The following KCTD1 variants were observed in gnomAD, a reference collection of about 807,000 sequenced individuals.
KCTD1 encodes BTB/POZ domain-containing protein KCTD1.
A neutral mutation model predicts 66.0 loss-of-function variants in KCTD1; 24 were observed. That is an observed-to-expected ratio of 0.36 (90% CI 0.26 to 0.51). KCTD1 has a LOEUF of 0.51. Ranked by LOEUF, KCTD1 falls within the 20% of genes least tolerant of loss-of-function variation. The probability of loss-of-function intolerance (pLI) is 0.95; values close to 1 mark genes in which losing one functional copy is unlikely to be tolerated. For synonymous variants in KCTD1, 511 were observed against 517.2 expected, an observed-to-expected ratio of 0.99 and a Z score of 0.16; for missense variants, 943 against 1,205.2, an observed-to-expected ratio of 0.78 and a Z score of 3.22.
At chr18:26,541,986 C>G (rs971242578) in intron 1 of KCTD1, among the ~76,000 whole-genome samples, 2 of 152,168 alleles carry the variant, frequency 1.3e-5, no homozygotes, top group African/African-American at 4.8e-5. Flanking sequence ...TGTTTCCCCT[C>G]TGATGATCAT....
At chr18:26,511,484 G>A (rs923336678) in intron 1 of KCTD1, among the ~76,000 whole-genome samples, 3 of 152,146 alleles carry the variant, frequency 2.0e-5, no homozygotes, top group East Asian at 1.9e-4. Flanking sequence ...TCCTGAAGTC[G>A]CCCTGCACAC....
At chr18:26,566,514 C>T (rs1391477529) in intron 1 of KCTD1, 1 of 152,214 alleles carries the variant, frequency 6.6e-6, no homozygotes, top group African/African-American at 2.4e-5. Flanking sequence ...TAACAATTCG[C>T]TGAGAAGACA....
intron 2 of KCTD1, among the ~76,000 whole-genome samples, chr18:26,483,861 G>A (rs529187088): frequency 2.0e-5 from 3 of 152,236 alleles, no homozygotes; most frequent in Non-Finnish European, 4.4e-5. Flanking sequence ...AGGAGATGGT[G>A]TTGCAACCTT....
At chr18:26,470,509 C>T (rs1180960916) in intron 3 of KCTD1, among the ~76,000 whole-genome samples, 5 of 152,196 alleles carry the variant, frequency 3.3e-5, no homozygotes, top group African/African-American at 4.8e-5. Flanking sequence ...GAGGCCAGAA[C>T]GTCAACACTG....
intron 1 of KCTD1, among the ~76,000 whole-genome samples, chr18:26,507,081 G>T (rs1360350496): frequency 6.6e-6 from 1 of 152,136 alleles, no homozygotes; most frequent in Admixed American, 6.5e-5. Flanking sequence ...CAGGAGAATC[G>T]CTTGAACCTG....
chr18:26,506,116 A>G (rs1421819962), intron 1 of KCTD1, among the ~76,000 whole-genome samples: 1 of 152,098 alleles, frequency 6.6e-6, no homozygotes, highest in Non-Finnish European at 1.5e-5. Context: ...TCTTGAGCTC[A>G]GGTGATCAGC....
chr18:26,572,310 G>C (rs1005161871), intron 1 of KCTD1, among the ~76,000 whole-genome samples: 1 of 152,218 alleles, frequency 6.6e-6, no homozygotes, highest in South Asian at 2.1e-4. Flanking sequence ...CACCTGCCTT[G>C]GTCTCCCAAA....
At chr18:26,647,789 G>A (rs1987958261) in intron 1 of KCTD1, among the ~76,000 whole-genome samples, 1 of 151,864 alleles carries the variant, frequency 6.6e-6, no homozygotes, top group Non-Finnish European at 1.5e-5. Flanking sequence ...AAAGGAGCTG[G>A]CCCTCATAGG....
At chr18:26,487,092 GAC>G (rs149247913) in intron 2 of KCTD1, among the ~76,000 whole-genome samples, 1 of 151,824 alleles carries the variant, frequency 6.6e-6, no homozygotes, top group East Asian at 1.9e-4. Flanking sequence ...TCCATACTCA[GAC>G]ACACACACAC....
At chr18:26,490,500 G>T (rs917134329) in intron 2 of KCTD1, among the ~76,000 whole-genome samples, 2 of 152,108 alleles carry the variant, frequency 1.3e-5, no homozygotes, top group Non-Finnish European at 2.9e-5. Context: ...AATTAAAAAC[G>T]ATGTAAATCT....
At chr18:26,566,536 G>A (rs1985984420) in intron 1 of KCTD1, 1 of 152,214 alleles carries the variant, frequency 6.6e-6, no homozygotes, top group Non-Finnish European at 1.5e-5. Flanking sequence ...CTCTAGAATT[G>A]CTTCTGCCTA....
At chr18:26,592,095 TAC>T (rs1035141864) in intron 1 of KCTD1, among the ~76,000 whole-genome samples, 1 of 152,190 alleles carries the variant, frequency 6.6e-6, no homozygotes, top group African/African-American at 2.4e-5. Flanking sequence ...TGAAAGTCTT[TAC>T]CATGTGTAAT....
intron 1 of KCTD1, among the ~76,000 whole-genome samples, chr18:26,623,758 A>C (rs1987440424): frequency 6.6e-6 from 1 of 152,166 alleles, no homozygotes; most frequent in Non-Finnish European, 1.5e-5. Context: ...GAAATATGAA[A>C]GTGACTTTGC....
At chr18:26,605,618 G>C (rs1986993480) in intron 1 of KCTD1, among the ~76,000 whole-genome samples, 1 of 151,978 alleles carries the variant, frequency 6.6e-6, no homozygotes, top group South Asian at 2.1e-4. Context: ...CACTGTTATA[G>C]CTGTAGCTTC....
At chr18:26,518,455 G>A (rs553588826) in intron 1 of KCTD1, among the ~76,000 whole-genome samples, 6 of 152,158 alleles carry the variant, frequency 3.9e-5, no homozygotes, top group East Asian at 3.9e-4. Flanking sequence ...TAGTAGAGAC[G>A]GGGTTTCACC....
chr18:26,478,845 G>A (rs1467716606), intron 2 of KCTD1, among the ~76,000 whole-genome samples: 2 of 152,108 alleles, frequency 1.3e-5, no homozygotes, highest in Non-Finnish European at 2.9e-5. Context: ...TGTGCTCGTG[G>A]TGAACTCAAA....
rs564601757 is a variant in KCTD1, at chr18:26,575,274, CAG to C, written c.-16+53871_-16+53872del. 3 of 152,288 alleles carry C rather than the reference CAG, an allele frequency of 2.0e-5. No individual in the cohort carries two copies. The South Asian group carries it at 6.2e-4, about 32-fold the overall frequency. The allele number at this position is 152,288 out of a possible 1,614,324, so 9.4% of individuals were successfully genotyped here. On this transcript the variant is annotated intron_variant, in intron 1 of 4. Transcript: ENST00000317932. ...TACTGCAGGGCATAAACTAACCCGC[CAG>C]CAAAGCATCGCCGAGTCGTGGCAAC...
At chr18:26,521,935 A>G (rs1983932799) in intron 1 of KCTD1, among the ~76,000 whole-genome samples, 2 of 152,242 alleles carry the variant, frequency 1.3e-5, no homozygotes, top group Non-Finnish European at 1.5e-5. Context: ...GTACACTTAA[A>G]AACAGATGCA....
At chr18:26,606,643 T>A (rs1007673780) in intron 1 of KCTD1, among the ~76,000 whole-genome samples, 3 of 152,220 alleles carry the variant, frequency 2.0e-5, no homozygotes, top group Non-Finnish European at 2.9e-5. Flanking sequence ...AGAGGCCAAG[T>A]GCAGTGCTGC....
Sources: gnomAD v4.1 joint callset for allele counts (sites outside exome capture counted in the v4.1 genomes callset) on GRCh38, gnomAD v4.1.1 for gene constraint, MANE v1.5 for transcripts, NCBI Gene and HGNC (gene_info 2026-07-23, HGNC 2026-07-21) for gene names.